The following HOOK3 variants were observed in gnomAD, a reference collection of about 807,000 sequenced individuals.
HOOK3 encodes protein Hook homolog 3.
Under a neutral mutation model 116.3 loss-of-function variants are expected in HOOK3, and 24 were observed. The observed-to-expected ratio is 0.21, with a 90% confidence interval of 0.15 to 0.29. The LOEUF (loss-of-function observed/expected upper bound fraction) is 0.29. HOOK3 is among the 10% of genes least tolerant of loss of function. The pLI, the probability that HOOK3 is intolerant of heterozygous loss-of-function variation, is 1.00. For missense variants in HOOK3, 632 were observed against 830.2 expected, an observed-to-expected ratio of 0.76 and a Z score of 2.93; for synonymous variants, 275 against 283.0, an observed-to-expected ratio of 0.97 and a Z score of 0.28.
rs1809988762 is a variant in HOOK3, at chr8:43,029,279, AACT to A, written c.*10782_*10784del. On this transcript the variant is annotated 3_prime_UTR_variant, in exon 22 of 22. Transcript: ENST00000307602. ...ATTCTCCTGCCTCAGCCTCCCAAGT[AACT>A]GGGACTGCAGGCACATGCCACCACA... 6.1e-6 allele frequency: 1 copy of A among 165,226 alleles called. No individual in the cohort carries two copies. Among genetic ancestry groups the A allele is most frequent in the Non-Finnish European group, 1.3e-5 (1 of 75,738 alleles). 10.2% of individuals were successfully genotyped at this position (165,226 alleles called of 1,614,324 possible).
At position 42,913,606 on chromosome 8, in the gene HOOK3, C is replaced by T. The variant is rs904465458; in HGVS notation, c.143+7348C>T. Among the ~76,000 whole-genome samples the T allele has an allele frequency of 2.0e-5, 3 of 152,174 alleles. No homozygotes were observed. The South Asian group carries it at 6.2e-4, about 31-fold the overall frequency. On this transcript the variant is annotated intron_variant, in intron 2 of 21. Coordinates refer to ENST00000307602, the MANE Select transcript of HOOK3 (RefSeq NM_032410.4). ...GTACAATTCTTTGTATGAACATATGCTTCAGTTTCCCTTGGGTTTATTCTG... is the reference window on the plus strand; with the variant it reads ...GTACAATTCTTTGTATGAACATATGTTTCAGTTTCCCTTGGGTTTATTCTG...
intron 15 of HOOK3, among the ~76,000 whole-genome samples, chr8:42,996,385 C>CA (rs529268164): frequency 0.021 from 1,169 of 55,034 alleles, 15 homozygotes; most frequent in Middle Eastern, 0.032. Flanking sequence ...GACTCCGTCT[C>CA]AAAAAAAAAA....
chr8:43,014,572 G>A (rs890883804), intron 21 of HOOK3, among the ~76,000 whole-genome samples: 1 of 151,686 alleles, frequency 6.6e-6, no homozygotes, highest in South Asian at 2.1e-4. Context: ...GGCTGGTCTC[G>A]AACTCCTGAC....
intron 1 of HOOK3, among the ~76,000 whole-genome samples, chr8:42,902,360 C>A (rs1384569741): frequency 6.6e-6 from 1 of 151,680 alleles, no homozygotes; most frequent in Non-Finnish European, 1.5e-5. Flanking sequence ...CAGTCCCGAC[C>A]CCCCAGGCTC....
intron 17 of HOOK3, among the ~76,000 whole-genome samples, chr8:43,005,512 G>A (rs951683445): frequency 1.3e-5 from 2 of 151,656 alleles, no homozygotes; most frequent in Non-Finnish European, 2.9e-5. Context: ...GTGAGCCACC[G>A]CGCCTGGCCT....
intron 7 of HOOK3, among the ~76,000 whole-genome samples, chr8:42,957,891 G>A (rs1480375948): frequency 2.7e-5 from 4 of 149,260 alleles, no homozygotes; most frequent in Admixed American, 6.7e-5. Flanking sequence ...GTGCAGTGGC[G>A]CAATCTCGGC....
chr8:42,982,651 A>G lies in HOOK3; in HGVS notation c.1346A>G (p.Glu449Gly). The G allele has an allele frequency of 6.2e-7, 1 of 1,612,452 alleles. No individual in the cohort carries two copies. Among genetic ancestry groups the G allele is most frequent in the African/African-American group, 1.3e-5 (1 of 75,022 alleles). Residue 449 changes from glutamate (E) to glycine (G), a missense_variant, in exon 14 of 22, where the codon GAG becomes GGG. By Grantham distance (98) the Glu-to-Gly change is moderately conservative. Coordinates refer to ENST00000307602, the MANE Select transcript of HOOK3 (RefSeq NM_032410.4). Reference sequence around the variant, plus strand: ...GGGTTAATGCCTCTTGGAAGTCAGGAGTCTTCAGACAGTCTAGCTGCAGAG... The same window carrying G: ...GGGTTAATGCCTCTTGGAAGTCAGGGGTCTTCAGACAGTCTAGCTGCAGAG... ...TQGLMPLGSQ[E>G]SSDSLAAEIV...
At chr8:42,997,462 A>G (rs1809300280) in intron 15 of HOOK3, 88 bp from the exon 16 acceptor site, 1 of 756,906 alleles carries the variant, frequency 1.3e-6, no homozygotes, top group Non-Finnish European at 2.2e-6. Context: ...GATTTTGCTA[A>G]TTATACTTTC....
intron 15 of HOOK3, among the ~76,000 whole-genome samples, chr8:42,989,453 CTTTTTATTT>C (rs1274502640): frequency 6.6e-6 from 1 of 151,964 alleles, no homozygotes; most frequent in Non-Finnish European, 1.5e-5. Flanking sequence ...TGTAGATGAA[CTTTTTATTT>C]TTTTTATTTT....
chr8:43,021,059 G>GC lies in HOOK3; in HGVS notation c.*2563dup, dbSNP rs1289835050. ...AGAGATTGCAGTGAGCCGAGATGGC[G>GC]CCATTGCACCCCAGCCTGGCGACAA... is the stretch of plus-strand genomic sequence containing the variant. On this transcript the variant is annotated 3_prime_UTR_variant, in exon 22 of 22. Coordinates refer to ENST00000307602, the MANE Select transcript of HOOK3 (RefSeq NM_032410.4). The GC allele has an allele frequency of 7.3e-6, 1 of 136,256 alleles. No homozygotes were observed. Among genetic ancestry groups the GC allele is most frequent in the Non-Finnish European group, 1.4e-5 (1 of 69,082 alleles). 8.4% of individuals were successfully genotyped at this position (136,256 alleles called of 1,614,324 possible).
At chr8:42,941,025 C>T (rs1808106122) in intron 4 of HOOK3, among the ~76,000 whole-genome samples, 1 of 152,028 alleles carries the variant, frequency 6.6e-6, no homozygotes, top group African/African-American at 2.4e-5. Context: ...GGCTCACTGG[C>T]AACCTCCACC....
intron 17 of HOOK3, among the ~76,000 whole-genome samples, chr8:43,005,756 G>T (rs1809472756): frequency 6.6e-6 from 1 of 151,906 alleles, no homozygotes; most frequent in Non-Finnish European, 1.5e-5. Flanking sequence ...GACTGCAGTG[G>T]CATGATCTCG....
At chr8:42,952,557 T>C (rs1808362548) in intron 6 of HOOK3, among the ~76,000 whole-genome samples, 1 of 152,190 alleles carries the variant, frequency 6.6e-6, no homozygotes, top group South Asian at 2.1e-4. Flanking sequence ...GCCCCAACCT[T>C]CTAATCACAT....
Position 42,897,108 on chromosome 8 carries a change from C to A in HOOK3, c.-24C>A. The A allele has an allele frequency of 1.6e-6, 2 of 1,240,894 alleles. No individual in the cohort carries two copies. Among genetic ancestry groups the A allele is most frequent in the Non-Finnish European group, 2.0e-6 (2 of 987,898 alleles). The allele number at this position is 1,240,894 out of a possible 1,614,324, so 76.9% of individuals were successfully genotyped here. Reference sequence around the variant, plus strand: ...CGGCGGTGTCTGGCCAGGCGGTAGGCGCTGCCTGGCCGCGGCGGGGAAGAT... The same window carrying A: ...CGGCGGTGTCTGGCCAGGCGGTAGGAGCTGCCTGGCCGCGGCGGGGAAGAT... On this transcript the variant is annotated 5_prime_UTR_variant, in exon 1 of 22. Coordinates refer to ENST00000307602, the MANE Select transcript of HOOK3 (RefSeq NM_032410.4).
At chr8:43,013,213 C>G in intron 20 of HOOK3, 58 bp downstream of exon 20, 1 of 1,437,844 alleles carries the variant, frequency 7.0e-7, no homozygotes, top group Non-Finnish European at 9.5e-7. Flanking sequence ...GTTTTGGGAG[C>G]CTTGTTATAT....
intron 4 of HOOK3, among the ~76,000 whole-genome samples, chr8:42,937,119 G>A (rs1807986012): frequency 1.3e-5 from 2 of 152,062 alleles, no homozygotes; most frequent in African/African-American, 4.8e-5. Flanking sequence ...GTGTTTAGAG[G>A]ATGTATGTGT....
At chr8:42,988,464 A>G (rs1462397606) in intron 15 of HOOK3, among the ~76,000 whole-genome samples, 2 of 152,138 alleles carry the variant, frequency 1.3e-5, no homozygotes, top group Non-Finnish European at 2.9e-5. Flanking sequence ...TTTCCCAGAG[A>G]CAGGACAGCC....
At chr8:43,011,146 C>T (rs890064369) in intron 19 of HOOK3, among the ~76,000 whole-genome samples, 2 of 152,164 alleles carry the variant, frequency 1.3e-5, no homozygotes, top group East Asian at 1.9e-4. Flanking sequence ...GCGCCTGCCA[C>T]CACACTCGGC....
chr8:42,920,639 A>G (rs1440918609), intron 2 of HOOK3, among the ~76,000 whole-genome samples: 1 of 152,186 alleles, frequency 6.6e-6, no homozygotes, highest in African/African-American at 2.4e-5. Flanking sequence ...CAGAGTATGA[A>G]GGGGATAATT....
Sources: allele counts gnomAD v4.1 joint callset (sites outside exome capture counted in the v4.1 genomes callset), GRCh38; gene constraint gnomAD v4.1.1; transcripts MANE v1.5; gene names NCBI Gene and HGNC (gene_info 2026-07-23, HGNC 2026-07-21).